PTPRN2: variants seen among roughly 807,000 people sequenced by gnomAD.
PTPRN2 encodes the protein protein tyrosine phosphatase receptor type N2.
Under a neutral mutation model 118.8 loss-of-function variants are expected in PTPRN2, and 74 were observed. That is an observed-to-expected ratio of 0.62 (90% CI 0.52 to 0.76). PTPRN2 has a LOEUF of 0.76. Among genes scored for constraint, PTPRN2 ranks in the 30% least tolerant of loss-of-function variants. The pLI, the probability that PTPRN2 is intolerant of heterozygous loss-of-function variation, is 0.00. For missense variants in PTPRN2, 1,481 were observed against 1,394.4 expected (o/e 1.06, Z -0.99); for synonymous variants, 641 against 608.0 (o/e 1.05, Z -0.80).
At chr7:158,048,854 A>G in intron 11 of PTPRN2, among the ~76,000 whole-genome samples, 1 of 151,612 alleles carries the variant, frequency 6.6e-6, no homozygotes, top group Non-Finnish European at 1.5e-5. Flanking sequence ...CACCATTACC[A>G]ATATCACTAT....
At chr7:157,581,041 C>T (rs1800353594) in intron 17 of PTPRN2, among the ~76,000 whole-genome samples, 1 of 133,250 alleles carries the variant, frequency 7.5e-6, no homozygotes. Context: ...CACACCCCAG[C>T]ACCTGCACAC....
At chr7:158,296,519 G>A (rs1234533874) in intron 3 of PTPRN2, among the ~76,000 whole-genome samples, 1 of 152,228 alleles carries the variant, frequency 6.6e-6, no homozygotes, top group Non-Finnish European at 1.5e-5. Flanking sequence ...ATAAGGCAGA[G>A]GGTCTAATTG....
intron 12 of PTPRN2, among the ~76,000 whole-genome samples, chr7:157,841,910 A>G (rs368098994): frequency 6.6e-6 from 1 of 151,548 alleles, no homozygotes; most frequent in African/African-American, 2.4e-5. Flanking sequence ...GTACCCGGGG[A>G]CTGTGTCTTT....
chr7:158,356,217 A>T (rs1356537601), intron 2 of PTPRN2, among the ~76,000 whole-genome samples: 1 of 152,184 alleles, frequency 6.6e-6, no homozygotes, highest in Non-Finnish European at 1.5e-5. Flanking sequence ...CTGTTGACAA[A>T]AATTTCCTCG....
chr7:158,270,883 GATGACCCCCTCCACCTGGACC>G (rs1798380801), intron 3 of PTPRN2, among the ~76,000 whole-genome samples: 1 of 61,494 alleles, frequency 1.6e-5, no homozygotes, highest in African/African-American at 8.2e-5. Flanking sequence ...CCTCCACCTG[GATGACCCCCTCCACCTGGACC>G]ACCCCCCCCA....
At chr7:158,044,275 T>C (rs1808680417) in intron 11 of PTPRN2, among the ~76,000 whole-genome samples, 1 of 152,138 alleles carries the variant, frequency 6.6e-6, no homozygotes, top group African/African-American at 2.4e-5. Flanking sequence ...AGCTCACCTC[T>C]GGAGGAGAAA....
At chr7:157,722,759 G>A (rs1000147556) in intron 12 of PTPRN2, among the ~76,000 whole-genome samples, 1 of 152,128 alleles carries the variant, frequency 6.6e-6, no homozygotes, top group African/African-American at 2.4e-5. Context: ...AGGAGTAGAG[G>A]GCAGCAGGGG....
intron 22 of PTPRN2, among the ~76,000 whole-genome samples, chr7:157,547,373 T>C (rs544099280): frequency 6.6e-6 from 1 of 152,248 alleles, no homozygotes; most frequent in East Asian, 1.9e-4. Context: ...TACAGGAGGA[T>C]GGTCAGTGCG....
chr7:158,194,396 C>T (rs73746422), intron 4 of PTPRN2, among the ~76,000 whole-genome samples: 6,614 of 152,266 alleles, frequency 0.043, 469 homozygotes, highest in African/African-American at 0.15. Context: ...CCTTGCTGTC[C>T]GGCTCTGCTG....
At chr7:158,363,058 C>T in intron 2 of PTPRN2, among the ~76,000 whole-genome samples, 1 of 152,150 alleles carries the variant, frequency 6.6e-6, no homozygotes, top group East Asian at 1.9e-4. Context: ...TTATGCACCG[C>T]GCGTCATGAG....
In PTPRN2 at chr7:157,763,963, A is replaced by G. The variant is rs1802297671; in HGVS notation, c.1789-81026T>C. Among the ~76,000 whole-genome samples, 1 of 152,152 alleles carries G rather than the reference A, an allele frequency of 6.6e-6. No individual in the cohort carries two copies. Among genetic ancestry groups the G allele is most frequent in the Admixed American group, 6.5e-5 (1 of 15,276 alleles). ...TTCCAAACACTCTCATGTTCGTTTGATCTTCATGATGTCCGTGAACACAGG... is the reference window on the plus strand; with the variant it reads ...TTCCAAACACTCTCATGTTCGTTTGGTCTTCATGATGTCCGTGAACACAGG... On this transcript the variant is annotated intron_variant, in intron 12 of 22. Coordinates refer to ENST00000389418, the MANE Select transcript of PTPRN2 (RefSeq NM_002847.5). The surrounding 1 kb of genome is among the most constrained non-coding windows in gnomAD (Gnocchi z 4.9).
At chr7:158,279,942 C>T (rs1025095550) in intron 3 of PTPRN2, among the ~76,000 whole-genome samples, 1 of 152,166 alleles carries the variant, frequency 6.6e-6, no homozygotes, top group African/African-American at 2.4e-5. Flanking sequence ...TCCTTAGTTC[C>T]GTGAAGACAG....
chr7:157,989,974 C>T (rs144727941), intron 11 of PTPRN2, among the ~76,000 whole-genome samples: 2,189 of 152,192 alleles, frequency 0.014, 41 homozygotes, highest in South Asian at 0.052. Context: ...CTGGGGGCTG[C>T]CAAATGCAGA....
intron 3 of PTPRN2, among the ~76,000 whole-genome samples, chr7:158,312,725 CCA>C (rs10537080): frequency 0.91 from 132,567 of 144,960 alleles, 60,796 homozygotes; most frequent in Middle Eastern, 0.96. Flanking sequence ...ATATAGATAC[CCA>C]CACACACACA....
intron 12 of PTPRN2, among the ~76,000 whole-genome samples, chr7:157,879,834 G>GT (rs1017892771): frequency 4.4e-5 from 4 of 91,870 alleles, no homozygotes; most frequent in African/African-American, 8.9e-5. Flanking sequence ...AAACGTCTTT[G>GT]TTAAAAAAAA....
chr7:157,668,389 C>T lies in PTPRN2; in HGVS notation c.2002-11838G>A, dbSNP rs555397516. ...AAGGTTTCAGGAAAACCTCTCTGCACGCTTCCGGGAGCCAACTGAATGAAG... is the reference window on the plus strand; with the variant it reads ...AAGGTTTCAGGAAAACCTCTCTGCATGCTTCCGGGAGCCAACTGAATGAAG... On this transcript the variant is annotated intron_variant, in intron 13 of 22. Coordinates refer to ENST00000389418, the MANE Select transcript of PTPRN2 (RefSeq NM_002847.5). Among the ~76,000 whole-genome samples, 22 of 152,346 alleles carry T rather than the reference C, an allele frequency of 1.4e-4. No individual in the cohort carries two copies. In the South Asian group the frequency reaches 2.7e-3, roughly 19 times the overall value.
chr7:158,250,654 C>T (rs1045703737), intron 3 of PTPRN2, among the ~76,000 whole-genome samples: 1 of 152,160 alleles, frequency 6.6e-6, no homozygotes, highest in Non-Finnish European at 1.5e-5. Flanking sequence ...TTTGCAAAAT[C>T]TCAAACCCCC....
At chr7:158,147,583 C>A (rs1173572932) in intron 6 of PTPRN2, among the ~76,000 whole-genome samples, 7 of 125,258 alleles carry the variant, frequency 5.6e-5, no homozygotes, top group South Asian at 5.6e-4. Context: ...TCTCACGCCA[C>A]GTGTCTTTCC....
In PTPRN2 at chr7:157,548,972, G is replaced by A; in HGVS notation, c.2950C>T (p.Gln984Ter). ...TTCGTCTGGACCATGCCGGGTCTCT[G>A]GTCCCTCAAGTGCTCCAGGGTCGCT... The part of the protein sequence containing the change: ...IAATLEHLRD[Q>*]RPGMVQTKEQ... Residue 984 changes from glutamine to a stop codon, truncating the protein, a stop_gained, in exon 22 of 23, where the codon CAG becomes TAG. Coordinates refer to ENST00000389418, the MANE Select transcript of PTPRN2 (RefSeq NM_002847.5). LOFTEE classifies it high-confidence loss of function. The A allele has an allele frequency of 6.2e-7, 1 of 1,614,198 alleles. No individual in the cohort carries two copies. Among genetic ancestry groups the A allele is most frequent in the Non-Finnish European group, 8.5e-7 (1 of 1,180,030 alleles).
Sources: gnomAD v4.1 joint callset for allele counts (sites outside exome capture counted in the v4.1 genomes callset) on GRCh38, gnomAD v4.1.1 for gene constraint, Gnocchi (gnomAD v3.1) non-coding constraint, MANE v1.5 for transcripts, NCBI Gene and HGNC (gene_info 2026-07-23, HGNC 2026-07-21) for gene names.